The following TMEM132D variants were observed in gnomAD, a reference collection of about 807,000 sequenced individuals.
TMEM132D encodes the protein transmembrane protein 132D.
In TMEM132D, 21 loss-of-function variants were observed where a neutral mutation model predicts 62.3. That is an observed-to-expected ratio of 0.34 (90% CI 0.24 to 0.49). The LOEUF is 0.49. Among genes scored for constraint, TMEM132D ranks in the 20% least tolerant of loss-of-function variants. TMEM132D has a pLI of 0.99. For synonymous variants in TMEM132D, 621 were observed against 575.6 expected (o/e 1.08, Z -1.13); for missense variants, 1,346 against 1,402.8 (o/e 0.96, Z 0.65).
intron 2 of TMEM132D, among the ~76,000 whole-genome samples, chr12:129,545,236 C>T (rs1191806516): frequency 6.6e-6 from 1 of 152,124 alleles, no homozygotes; most frequent in African/African-American, 2.4e-5. Context: ...AGCATGATGT[C>T]AGCCCATGGG....
chr12:129,349,537 G>C (rs796613974), intron 3 of TMEM132D, among the ~76,000 whole-genome samples: 1 of 152,130 alleles, frequency 6.6e-6, no homozygotes, highest in Admixed American at 6.6e-5. Context: ...CCTTTTTATA[G>C]GAAAAGGCTT....
intron 2 of TMEM132D, among the ~76,000 whole-genome samples, chr12:129,665,196 G>A (rs1481178990): frequency 1.3e-5 from 2 of 151,992 alleles, no homozygotes; most frequent in Non-Finnish European, 2.9e-5. Context: ...TGGGGAGCAG[G>A]TGGGGGGGGC....
intron 3 of TMEM132D, among the ~76,000 whole-genome samples, chr12:129,380,224 C>T (rs1215108773): frequency 6.6e-6 from 1 of 152,072 alleles, no homozygotes; most frequent in African/African-American, 2.4e-5. Context: ...TATACAAATG[C>T]ATACTAAACT....
At chr12:129,181,953 T>C (rs767584825) in intron 5 of TMEM132D, among the ~76,000 whole-genome samples, 3 of 152,208 alleles carry the variant, frequency 2.0e-5, no homozygotes, top group Non-Finnish European at 4.4e-5. Context: ...GTGTGTCTAA[T>C]TCATCTCAGT....
intron 5 of TMEM132D, among the ~76,000 whole-genome samples, chr12:129,160,636 T>A (rs540177058): frequency 6.6e-6 from 1 of 152,328 alleles, no homozygotes; most frequent in East Asian, 1.9e-4. Context: ...ACTTTTTAGT[T>A]ACAAGAGCCA....
rs201162239 is a variant in TMEM132D at position 129,191,764 on chromosome 12, A to AAC, written c.1443+17754_1443+17755dup. Among the ~76,000 whole-genome samples the AAC allele has an allele frequency of 1.4e-3, 212 of 148,328 alleles. 1 individual carries two copies. The highest frequency in any genetic ancestry group is 4.7e-3 in the African/African-American group (187 of 40,170). On this transcript the variant is annotated intron_variant, in intron 5 of 8. Transcript: ENST00000422113. The stretch of plus-strand genomic sequence containing the variant: ...TATAATGAACCATACACACACACAG[A>AAC]ACACACACACACACATACACACACA...
chr12:129,403,597 C>CAA (rs1338226875), intron 3 of TMEM132D, among the ~76,000 whole-genome samples: 1 of 152,178 alleles, frequency 6.6e-6, no homozygotes, highest in South Asian at 2.1e-4. Context: ...CCTTCCTGAG[C>CAA]AATCTGCTAA....
intron 3 of TMEM132D, among the ~76,000 whole-genome samples, chr12:129,367,284 G>A (rs1417276710): frequency 6.6e-6 from 1 of 152,174 alleles, no homozygotes; most frequent in African/African-American, 2.4e-5. Context: ...CCATCTATCT[G>A]TGTACTTACC....
intron 2 of TMEM132D, among the ~76,000 whole-genome samples, chr12:129,570,930 A>C (rs920426377): frequency 2.0e-5 from 3 of 152,090 alleles, no homozygotes; most frequent in Non-Finnish European, 1.5e-5. Context: ...TGGCTGGGAG[A>C]TCATGTTCCC....
intron 1 of TMEM132D, among the ~76,000 whole-genome samples, chr12:129,811,433 G>T (rs760361487): frequency 6.6e-6 from 1 of 151,480 alleles, no homozygotes; most frequent in African/African-American, 2.4e-5. Flanking sequence ...CGGATACTCC[G>T]GGACCACATT....
chr12:129,477,528 T>C (rs1377760152), intron 3 of TMEM132D, among the ~76,000 whole-genome samples: 3 of 152,148 alleles, frequency 2.0e-5, no homozygotes, highest in African/African-American at 4.8e-5. Flanking sequence ...ATGTTAAAAA[T>C]AGACAAACAG....
intron 5 of TMEM132D, among the ~76,000 whole-genome samples, chr12:129,095,671 A>G (rs1875087910): frequency 6.6e-6 from 1 of 152,056 alleles, no homozygotes; most frequent in South Asian, 2.1e-4. Flanking sequence ...TTTAAGAAGA[A>G]GAGATCGGGG....
intron 5 of TMEM132D, among the ~76,000 whole-genome samples, chr12:129,166,682 T>C (rs80280756): frequency 0.13 from 7,969 of 59,466 alleles, 251 homozygotes; most frequent in Non-Finnish European, 0.17. Context: ...GACATATATA[T>C]ACACATACAC....
chr12:129,146,520 C>A (rs1236521102), intron 5 of TMEM132D, among the ~76,000 whole-genome samples: 1 of 152,096 alleles, frequency 6.6e-6, no homozygotes, highest in Non-Finnish European at 1.5e-5. Flanking sequence ...AAATATAATC[C>A]ACACACACTA....
rs78548689 is a variant in TMEM132D, at chr12:129,900,511, C to A, written c.79+2750G>T. Among the ~76,000 whole-genome samples, 23 of 152,294 alleles carry A rather than the reference C, an allele frequency of 1.5e-4. No individual in the cohort carries two copies. In the East Asian group the frequency reaches 4.3e-3, roughly 28 times the overall value. ...GCTCGCAATGTTGCAGGTCTCTCAGCGTCTGCTTCTTTCCTACCAGCATGT... is the reference window on the plus strand; with the variant it reads ...GCTCGCAATGTTGCAGGTCTCTCAGAGTCTGCTTCTTTCCTACCAGCATGT... On this transcript the variant is annotated intron_variant, in intron 1 of 8. Transcript: ENST00000422113.
In TMEM132D at chr12:129,664,071, A is replaced by T. The variant is rs544817615; in HGVS notation, c.968+35739T>A. Among the ~76,000 whole-genome samples, 38 of 152,306 alleles carry T rather than the reference A, an allele frequency of 2.5e-4. 1 individual carries two copies. The highest frequency in any genetic ancestry group is 2.3e-3 in the South Asian group (11 of 4,824). Reference sequence around the variant, plus strand: ...TGGTGAAGGAAATTATCATTGCTCGACTATTTCATTTCTATTTTTAAAAAA... The same window carrying T: ...TGGTGAAGGAAATTATCATTGCTCGTCTATTTCATTTCTATTTTTAAAAAA... On this transcript the variant is annotated intron_variant, in intron 2 of 8. Coordinates refer to ENST00000422113, the MANE Select transcript of TMEM132D (RefSeq NM_133448.3).
chr12:129,191,642 T>TTA (rs966059868), intron 5 of TMEM132D, among the ~76,000 whole-genome samples: 2 of 151,764 alleles, frequency 1.3e-5, no homozygotes, highest in Non-Finnish European at 1.5e-5. Flanking sequence ...ATATGTATAT[T>TTA]TATATATATC....
intron 2 of TMEM132D, among the ~76,000 whole-genome samples, chr12:129,600,584 C>A (rs536538906): frequency 3.3e-5 from 5 of 152,198 alleles, no homozygotes; most frequent in Non-Finnish European, 5.9e-5. Flanking sequence ...AAAGGTATGA[C>A]TTGAAAGCCA....
At chr12:129,496,357 A>G (rs996756011) in intron 3 of TMEM132D, among the ~76,000 whole-genome samples, 1 of 152,142 alleles carries the variant, frequency 6.6e-6, no homozygotes, top group Admixed American at 6.5e-5. Context: ...GGTTTTAGAG[A>G]GCAATGGGCA....
Sources: gnomAD v4.1 joint callset for allele counts (sites outside exome capture counted in the v4.1 genomes callset) on GRCh38, gnomAD v4.1.1 for gene constraint, MANE v1.5 for transcripts, NCBI Gene and HGNC (gene_info 2026-07-23, HGNC 2026-07-21) for gene names.